Variants in KIF11 observed in about 807,000 individuals in gnomAD.
The protein encoded by KIF11 is kinesin family member 11.
In KIF11, 9 loss-of-function variants were observed where a neutral mutation model predicts 121.0. That is an observed-to-expected ratio of 0.07 (90% confidence interval 0.04 to 0.13). The LOEUF is 0.13. Among genes scored for constraint, KIF11 ranks in the 10% least tolerant of loss-of-function variants. The pLI is 1.00. For missense variants in KIF11, 846 were observed against 1,217.5 expected, an observed-to-expected ratio of 0.69 and a Z score of 4.54; for synonymous variants, 408 against 421.0, an observed-to-expected ratio of 0.97 and a Z score of 0.38.
At chr10:92,608,903 T>G in intron 4 of KIF11, 117 bp from the exon 5 acceptor site, 1 of 570,004 alleles carries the variant, frequency 1.8e-6, no homozygotes, top group Admixed American at 3.5e-5. Flanking sequence ...TTTTTTGTTT[T>G]GTTTTAACTT....
intron 1 of KIF11, among the ~76,000 whole-genome samples, chr10:92,600,514 T>C (rs1844356838): frequency 6.6e-6 from 1 of 151,850 alleles, no homozygotes; most frequent in Non-Finnish European, 1.5e-5. Context: ...TCTTTTCTAT[T>C]TTTTTTTCTT....
intron 17 of KIF11, among the ~76,000 whole-genome samples, chr10:92,640,378 A>C (rs1314658035): frequency 1.3e-5 from 2 of 152,192 alleles, no homozygotes; most frequent in African/African-American, 4.8e-5. Flanking sequence ...AATATTTGCT[A>C]TCTGGCTTTT....
chr10:92,652,773 T>C (rs2135927481), intron 21 of KIF11, among the ~76,000 whole-genome samples: 1 of 152,332 alleles, frequency 6.6e-6, no homozygotes, highest in Middle Eastern at 3.4e-3. Flanking sequence ...GGCTTAGTGA[T>C]TCAGCTATGG....
chr10:92,628,755 T>G, intron 10 of KIF11, 53 bp from the exon 11 acceptor site: 1 of 929,964 alleles, frequency 1.1e-6, no homozygotes, highest in South Asian at 1.5e-5. Flanking sequence ...ATACATTTTA[T>G]AGGAGTTAGA....
intron 8 of KIF11, 134 bp from the exon 9 acceptor site, chr10:92,616,603 C>G: frequency 2.0e-6 from 1 of 503,426 alleles, no homozygotes; most frequent in Non-Finnish European, 3.4e-6. Context: ...GCATAGTGGT[C>G]TTAATGACTA....
At chr10:92,653,565 T>G (rs1845011189) in intron 21 of KIF11, 100 bp from the exon 22 acceptor site, 15 of 1,202,234 alleles carry the variant, frequency 1.2e-5, no homozygotes, top group Non-Finnish European at 1.7e-5. Context: ...ACACTTAAGT[T>G]TTTTTGCCTA....
intron 21 of KIF11, 141 bp from the exon 22 acceptor site, chr10:92,653,524 C>A: frequency 1.5e-6 from 1 of 660,022 alleles, no homozygotes; most frequent in Non-Finnish European, 2.5e-6. Context: ...ATTGTTGGCT[C>A]AAACTTGTGC....
chr10:92,620,149 C>T (rs145748330), intron 9 of KIF11, among the ~76,000 whole-genome samples: 3,104 of 147,216 alleles, frequency 0.021, 48 homozygotes, highest in Admixed American at 0.053. Flanking sequence ...GGTGCCATCT[C>T]GGCTCACTGC....
intron 1 of KIF11, among the ~76,000 whole-genome samples, chr10:92,599,658 CTTT>C (rs879564897): frequency 1.5e-5 from 2 of 137,422 alleles, no homozygotes; most frequent in Admixed American, 7.4e-5. Flanking sequence ...GTTTTCTTTT[CTTT>C]TTTTTTTTTT....
chr10:92,635,156 A>G (rs1338165235), intron 14 of KIF11, among the ~76,000 whole-genome samples: 5 of 152,176 alleles, frequency 3.3e-5, no homozygotes, highest in African/African-American at 1.2e-4. Context: ...AACAATATTT[A>G]TTAAACATTT....
chr10:92,654,054 T>C lies in KIF11; in HGVS notation c.*258T>C, dbSNP rs1292228430. The C allele has an allele frequency of 1.1e-5, 3 of 274,190 alleles. No individual in the cohort carries two copies. The highest frequency in any genetic ancestry group is 2.1e-5 in the Non-Finnish European group (3 of 141,280). The allele number at this position is 274,190 out of a possible 1,614,324, so 17.0% of individuals were successfully genotyped here. A position where few individuals can be genotyped will look rare whatever the true frequency, so the allele number is the denominator to read the frequency against. On this transcript the variant is annotated 3_prime_UTR_variant, in exon 22 of 22. Transcript: ENST00000260731. The stretch of plus-strand genomic sequence containing the variant: ...AGCCGGGCGTGGTGGCACACTCCTG[T>C]AATCCCAGCTACTGGGGAGGCTGAG...
intron 12 of KIF11, among the ~76,000 whole-genome samples, 172 bp from the exon 13 acceptor site, chr10:92,632,314 T>C (rs1166385767): frequency 6.6e-6 from 1 of 151,494 alleles, no homozygotes; most frequent in Non-Finnish European, 1.5e-5. Context: ...ACTACAAGTA[T>C]GTACCACCAC....
chr10:92,609,266 C>CAGAGAG (rs3835295), intron 5 of KIF11, 61 bp downstream of exon 5: 276 of 747,364 alleles, frequency 3.7e-4, no homozygotes, highest in African/African-American at 3.4e-3. Flanking sequence ...TTTGAGAAGT[C>CAGAGAG]AGAGAGAGAG....
intron 1 of KIF11, among the ~76,000 whole-genome samples, chr10:92,597,456 G>C (rs545387824): frequency 3.3e-5 from 5 of 152,090 alleles, no homozygotes; most frequent in Admixed American, 2.6e-4. Flanking sequence ...GTAGAGATGG[G>C]GTTTCGCCTT....
At chr10:92,650,099 T>TA in intron 20 of KIF11, 113 bp downstream of exon 20, 1 of 758,800 alleles carries the variant, frequency 1.3e-6, no homozygotes, top group Non-Finnish European at 2.1e-6. Flanking sequence ...CGCCTCTCAT[T>TA]AATGATAGGC....
chr10:92,630,456 A>G, intron 12 of KIF11, 92 bp downstream of exon 12: 1 of 621,280 alleles, frequency 1.6e-6, no homozygotes, highest in Non-Finnish European at 2.6e-6. Flanking sequence ...CTGTTTATTC[A>G]CCCCAAATGG....
rs774728793 is a variant in KIF11, at chr10:92,639,896, C to G, written c.2263C>G (p.Gln755Glu). The G allele has an allele frequency of 2.0e-6, 3 of 1,501,676 alleles. No homozygotes were observed. The East Asian group carries it at 6.8e-5, about 34-fold the overall frequency. The allele number at this position is 1,501,676 out of a possible 1,614,324, so 93.0% of individuals were successfully genotyped here. Residue 755 changes from glutamine (Q) to glutamate (E), a missense_variant, in exon 17 of 22, where the codon CAG becomes GAG. This residue lies in a region of KIF11 where 492 missense variants were observed against 603.4 expected (regional missense o/e 0.82). Transcript: ENST00000260731. ...KPLSSVQENI[Q>E]QKSKDIVNKM... ...ACTTAGTAGTGTCCAGGAAAATATA[C>G]AGCAGTAAGCTATTTTTAAATTCTC...
At chr10:92,625,823 C>T (rs1411303445) in intron 10 of KIF11, among the ~76,000 whole-genome samples, 8 of 152,050 alleles carry the variant, frequency 5.3e-5, no homozygotes. Context: ...CAATTCCATT[C>T]ACAATAGCCA....
chr10:92,630,867 C>CAAAAAAAA (rs58123701), intron 12 of KIF11, among the ~76,000 whole-genome samples: 10 of 99,804 alleles, frequency 1.0e-4, no homozygotes, highest in South Asian at 3.6e-4. Flanking sequence ...AACTCCGTCT[C>CAAAAAAAA]AAAAAAAAAA....
Sources: allele counts gnomAD v4.1 joint callset (sites outside exome capture counted in the v4.1 genomes callset), GRCh38; gene constraint gnomAD v4.1.1; regional missense constraint gnomAD v4.1.1; transcripts MANE v1.5; gene names NCBI Gene and HGNC (gene_info 2026-07-23, HGNC 2026-07-21).